Variants in SBNO1 observed in about 807,000 individuals in gnomAD.
SBNO1 encodes the protein strawberry notch homolog 1, also known as protein strawberry notch homolog 1.
In SBNO1, 23 loss-of-function variants were observed where a neutral mutation model predicts 173.6. That is an observed-to-expected ratio of 0.13 (90% CI 0.10 to 0.19). SBNO1 has a LOEUF of 0.19. Among genes scored for constraint, SBNO1 ranks in the 10% least tolerant of loss-of-function variants. SBNO1 has a pLI of 1.00. For synonymous variants in SBNO1, 632 were observed against 571.5 expected, an observed-to-expected ratio of 1.11 and a Z score of -1.51; for missense variants, 1,238 against 1,671.2, an observed-to-expected ratio of 0.74 and a Z score of 4.52.
At chr12:123,306,000 G>A (rs1335472809) in intron 28 of SBNO1, among the ~76,000 whole-genome samples, 2 of 151,960 alleles carry the variant, frequency 1.3e-5, no homozygotes, top group Non-Finnish European at 2.9e-5. Context: ...TTGTTTGCGG[G>A]GCTATTAACT....
intron 31 of SBNO1, among the ~76,000 whole-genome samples, chr12:123,297,399 C>CAAAAAAA: frequency 6.6e-5 from 1 of 15,102 alleles, no homozygotes; most frequent in Non-Finnish European, 2.3e-4. Context: ...ATACTGGTGT[C>CAAAAAAA]CAAAAAAAAA....
intron 30 of SBNO1, among the ~76,000 whole-genome samples, chr12:123,298,509 C>T (rs552996484): frequency 1.8e-3 from 270 of 152,322 alleles, no homozygotes; most frequent in African/African-American, 6.2e-3. Flanking sequence ...CCACCCTTGG[C>T]TTCCCAAAGG....
intron 1 of SBNO1, among the ~76,000 whole-genome samples, chr12:123,360,875 C>T (rs1238076576): frequency 3.9e-5 from 6 of 152,030 alleles, no homozygotes; most frequent in African/African-American, 1.2e-4. Flanking sequence ...CATTTTGGGA[C>T]GCCAAGGCAG....
Position 123,334,202 on chromosome 12 carries a change from G to C in SBNO1, c.760C>G (p.Leu254Val). 6.4e-7 allele frequency: 1 copy of C among 1,566,506 alleles called. No homozygotes were observed. The highest frequency in any genetic ancestry group is 8.6e-7 in the Non-Finnish European group (1 of 1,162,258). Residue 254 changes from leucine to valine, a missense_variant, in exon 7 of 32, where the codon CTA becomes GTA. Physicochemically the swap from Leu to Val is conservative, Grantham distance 32. Transcript: ENST00000602398. ...TCCACTACAGCATCTGGATGACGTA[G>C]GCCAATTTTTACTAAACAAAAATGT... The part of the protein sequence containing the change: ...EYMPIKLKIG[L>V]RHPDAVVETS...
At chr12:123,350,288 A>T (rs1284974033) in intron 2 of SBNO1, 22 bp downstream of exon 2, 1 of 1,611,714 alleles carries the variant, frequency 6.2e-7, no homozygotes, top group East Asian at 2.2e-5. Flanking sequence ...ACTAAGAAAG[A>T]GAGGCTTTGG....
At position 123,345,313 on chromosome 12, in the gene SBNO1, T is replaced by C; in HGVS notation, c.495A>G (p.Glu165=). 6.2e-7 allele frequency: 1 copy of C among 1,614,208 alleles called. No homozygotes were observed. Among genetic ancestry groups the C allele is most frequent in the Admixed American group, 1.7e-5 (1 of 60,014 alleles). The change falls in exon 4 of 32, where the codon GAA becomes GAG. Residue 165 remains glutamate (E), a synonymous_variant. Coordinates refer to ENST00000602398, the MANE Select transcript of SBNO1 (RefSeq NM_001167856.3). ...TAGCAGGTGGCTTTAGTTTCATCAGTTCATTAAGACTATTATTTTTCAGTA... is the reference window on the plus strand; with the variant it reads ...TAGCAGGTGGCTTTAGTTTCATCAGCTCATTAAGACTATTATTTTTCAGTA... ...KDLLKNNSLN[E]LMKLKPPANI... is the part of the protein sequence containing the mutation.
At position 123,293,650 on chromosome 12, in the gene SBNO1, T is replaced by C. The variant is rs2048543138; in HGVS notation, c.*2258A>G. 6.6e-6 allele frequency: 1 copy of C among 152,122 alleles called. No homozygotes were observed. The highest frequency in any genetic ancestry group is 1.9e-4 in the East Asian group (1 of 5,200). The allele number at this position is 152,122 out of a possible 1,614,324, so 9.4% of individuals were successfully genotyped here. ...TAGCTGTTCTACAAAGAACCTAAGA[T>C]ACATACACTCCTATTTATCAAGATG... On this transcript the variant is annotated 3_prime_UTR_variant, in exon 32 of 32. Transcript: ENST00000602398.
At chr12:123,330,053 G>A (rs1012590323) in intron 9 of SBNO1, among the ~76,000 whole-genome samples, 15 of 152,112 alleles carry the variant, frequency 9.9e-5, no homozygotes, top group African/African-American at 3.6e-4. Flanking sequence ...GTGACCTATA[G>A]TGCAAGGTAT....
At chr12:123,319,677 G>C (rs1415478812) in intron 20 of SBNO1, among the ~76,000 whole-genome samples, 1 of 151,052 alleles carries the variant, frequency 6.6e-6, no homozygotes, top group East Asian at 1.9e-4. Context: ...CCAAAGTGCT[G>C]GAATTACAGG....
intron 1 of SBNO1, among the ~76,000 whole-genome samples, chr12:123,362,169 G>A (rs1446883450): frequency 6.6e-6 from 1 of 150,932 alleles, no homozygotes; most frequent in Non-Finnish European, 1.5e-5. Context: ...GGGCGTGGTG[G>A]CTCACGCCTG....
Position 123,294,872 on chromosome 12 carries a change from CAACAAT to C in SBNO1, c.*1030_*1035del, listed in dbSNP as rs1457556788. ...AAACAATATTCAAGTTACTGAGTAA[CAACAAT>C]AACAACAATAACAAAAGAACACACA... On this transcript the variant is annotated 3_prime_UTR_variant, in exon 32 of 32. Coordinates refer to ENST00000602398, the MANE Select transcript of SBNO1 (RefSeq NM_001167856.3). The C allele has an allele frequency of 7.8e-6, 1 of 128,660 alleles. No individual in the cohort carries two copies. The highest frequency in any genetic ancestry group is 1.5e-5 in the Non-Finnish European group (1 of 66,420). 8.0% of individuals were successfully genotyped at this position (128,660 alleles called of 1,614,324 possible).
Position 123,309,710 on chromosome 12 carries a change from C to G in SBNO1, c.3442G>C (p.Asp1148His), listed in dbSNP as rs1282692197. 1 of 1,610,936 alleles carries G rather than the reference C, an allele frequency of 6.2e-7. No individual in the cohort carries two copies. The highest frequency in any genetic ancestry group is 1.7e-5 in the Admixed American group (1 of 59,302). Residue 1148 changes from aspartate (D) to histidine (H), a missense_variant and splice_region_variant, in exon 26 of 32, where the codon GAT becomes CAT. Transcript: ENST00000602398. ...TGGGGGGGAAATTTTCCCTACTTAC[C>G]TAAGATTCCCATATCATATCTTCCA... Reference protein sequence around the residue: ...KNGRYDMGILDLGSGDEKVRK... With the variant: ...KNGRYDMGILHLGSGDEKVRK...
At chr12:123,307,286 G>A (rs1313426046) in intron 28 of SBNO1, among the ~76,000 whole-genome samples, 1 of 152,056 alleles carries the variant, frequency 6.6e-6, no homozygotes, top group African/African-American at 2.4e-5. Context: ...AGCAGCTTAG[G>A]CCTGTGGAAT....
intron 21 of SBNO1, among the ~76,000 whole-genome samples, chr12:123,316,303 C>T (rs1454064513): frequency 6.6e-6 from 1 of 152,156 alleles, no homozygotes; most frequent in Non-Finnish European, 1.5e-5. Flanking sequence ...TGGCTCACTG[C>T]AACCTCCGCC....
At chr12:123,339,765 C>T (rs1387108250) in intron 5 of SBNO1, among the ~76,000 whole-genome samples, 1 of 152,016 alleles carries the variant, frequency 6.6e-6, no homozygotes, top group Non-Finnish European at 1.5e-5. Flanking sequence ...CCAGCCTGGT[C>T]AACAGAGCAA....
chr12:123,360,514 G>A (rs887000471), intron 1 of SBNO1, among the ~76,000 whole-genome samples: 2 of 151,782 alleles, frequency 1.3e-5, no homozygotes, highest in Admixed American at 6.6e-5. Flanking sequence ...GCGCAATCTC[G>A]GCTCACTGCA....
chr12:123,360,139 G>C (rs936442604), intron 1 of SBNO1, among the ~76,000 whole-genome samples: 3 of 151,952 alleles, frequency 2.0e-5, no homozygotes, highest in African/African-American at 7.3e-5. Flanking sequence ...CAGCTACTTG[G>C]GAGGCTGAGG....
chr12:123,330,386 T>C (rs376659869), intron 9 of SBNO1, 33 bp downstream of exon 9: 5 of 1,234,170 alleles, frequency 4.1e-6, no homozygotes, highest in South Asian at 1.2e-5. Flanking sequence ...TCAATATTTA[T>C]TGAATGACCA....
intron 1 of SBNO1, among the ~76,000 whole-genome samples, chr12:123,352,275 A>G (rs1470361596): frequency 1.3e-5 from 2 of 152,216 alleles, no homozygotes; most frequent in Non-Finnish European, 2.9e-5. Flanking sequence ...ATTAAGTGTC[A>G]GTGTTTCATG....
Sources: gnomAD v4.1 joint callset for allele counts (sites outside exome capture counted in the v4.1 genomes callset) on GRCh38, gnomAD v4.1.1 for gene constraint, MANE v1.5 for transcripts, NCBI Gene and HGNC (gene_info 2026-07-23, HGNC 2026-07-21) for gene names.